CNTN4: variants seen among roughly 807,000 people sequenced by gnomAD.
CNTN4 encodes the protein contactin-4.
Under a neutral mutation model 122.5 loss-of-function variants are expected in CNTN4, and 77 were observed. The ratio of observed to expected loss-of-function variants is 0.63; its 90% confidence interval spans 0.52 to 0.76. The LOEUF (loss-of-function observed/expected upper bound fraction) is 0.76, where lower values mean the gene tolerates loss of function less well. Among genes scored for constraint, CNTN4 ranks in the 30% least tolerant of loss-of-function variants. The probability of loss-of-function intolerance (pLI) is 0.00; values close to 1 mark genes in which losing one functional copy is unlikely to be tolerated. For missense variants in CNTN4, 1,256 were observed against 1,259.1 expected (o/e 1.00, Z 0.04); for synonymous variants, 512 against 447.0 (o/e 1.15, Z -1.83).
intron 13 of CNTN4, among the ~76,000 whole-genome samples, chr3:2,987,169 C>T (rs1464691918): frequency 6.6e-6 from 1 of 152,170 alleles, no homozygotes; most frequent in Non-Finnish European, 1.5e-5. Context: ...ATTTCAAATA[C>T]TCTGGAATAT....
rs1391994591 is a variant in CNTN4, at chr3:2,254,091, C to A, written c.-144-85087C>A. Among the ~76,000 whole-genome samples the A allele has an allele frequency of 2.0e-5, 3 of 148,420 alleles. No individual in the cohort carries two copies. The Admixed American group carries it at 2.0e-4, about 10-fold the overall frequency. The stretch of plus-strand genomic sequence containing the variant: ...TATGTGATGTTCCCCTCCCTGTGTC[C>A]ATGTGTTCTTATAGTTCAACTCCCA... On this transcript the variant is annotated intron_variant, in intron 2 of 24. Transcript: ENST00000418658.
chr3:2,448,644 C>G, intron 3 of CNTN4, among the ~76,000 whole-genome samples: 1 of 152,190 alleles, frequency 6.6e-6, no homozygotes, highest in East Asian at 1.9e-4. Flanking sequence ...AAGTGATTCT[C>G]TGAATGGATA....
At chr3:3,003,092 C>G (rs914086356) in intron 14 of CNTN4, among the ~76,000 whole-genome samples, 1 of 152,238 alleles carries the variant, frequency 6.6e-6, no homozygotes, top group South Asian at 2.1e-4. Context: ...CAAACACAAG[C>G]AAGCCACTTC....
chr3:2,297,789 G>A (rs927548202), intron 2 of CNTN4, among the ~76,000 whole-genome samples: 2 of 152,120 alleles, frequency 1.3e-5, no homozygotes, highest in African/African-American at 2.4e-5. Flanking sequence ...GAGTGCAGTG[G>A]CACAATCACA....
chr3:2,650,472 T>C (rs1404693398), intron 4 of CNTN4, among the ~76,000 whole-genome samples: 2 of 151,850 alleles, frequency 1.3e-5, no homozygotes, highest in African/African-American at 4.8e-5. Context: ...AGTGGTGGAG[T>C]TTGAGAGGAT....
chr3:2,146,095 A>AATTTAT (rs71056394), intron 2 of CNTN4, among the ~76,000 whole-genome samples: 128,529 of 150,776 alleles, frequency 0.85, 55,043 homozygotes, highest in African/African-American at 0.91. Context: ...ACATTATTTC[A>AATTTAT]ATTTATTTTA....
At chr3:2,114,446 C>A (rs116026375) in intron 2 of CNTN4, among the ~76,000 whole-genome samples, 4,331 of 152,060 alleles carry the variant, frequency 0.028, 207 homozygotes, top group African/African-American at 0.097. Context: ...GATGACAGAG[C>A]AAGACCTTGT....
At chr3:2,842,432 C>T (rs1034996249) in intron 7 of CNTN4, among the ~76,000 whole-genome samples, 13 of 152,172 alleles carry the variant, frequency 8.5e-5, no homozygotes, top group African/African-American at 2.7e-4. Flanking sequence ...CGTTTTACTC[C>T]TCTCTCCTGC....
At chr3:2,877,539 G>A (rs1009535110) in intron 8 of CNTN4, among the ~76,000 whole-genome samples, 19 of 152,164 alleles carry the variant, frequency 1.2e-4, no homozygotes, top group Non-Finnish European at 2.1e-4. Context: ...ATTTCATATA[G>A]CAGAAAAGTA....
At chr3:2,607,100 G>A (rs1444957837) in intron 4 of CNTN4, among the ~76,000 whole-genome samples, 2 of 152,112 alleles carry the variant, frequency 1.3e-5, no homozygotes, top group African/African-American at 2.4e-5. Flanking sequence ...TGATGGACTT[G>A]GTGACTGTTA....
At chr3:2,504,801 C>A (rs1273010258) in intron 3 of CNTN4, among the ~76,000 whole-genome samples, 3 of 151,966 alleles carry the variant, frequency 2.0e-5, no homozygotes, top group African/African-American at 4.8e-5. Flanking sequence ...AAAAAGCAAC[C>A]AGAAAAATTC....
chr3:2,254,352 C>A (rs907962933), intron 2 of CNTN4, among the ~76,000 whole-genome samples: 2 of 152,126 alleles, frequency 1.3e-5, no homozygotes. Flanking sequence ...AGTAAACATA[C>A]ATGCGCATGT....
rs1306420149 is a variant in CNTN4 at position 3,040,198 on chromosome 3, T to C, written c.2325T>C (p.Val775=). 6.2e-7 allele frequency: 1 copy of C among 1,614,104 alleles called. No individual in the cohort carries two copies. The highest frequency in any genetic ancestry group is 8.5e-7 in the Non-Finnish European group (1 of 1,180,046). Residue 775 remains valine, a synonymous_variant, in exon 20 of 25, where the codon GTT becomes GTC. Transcript: ENST00000418658. ...TGCACCCCTTCTCTCCCTTTGAGGT[T>C]AAAGTAGGTGTCTTCAACAACAAAG... The part of the protein sequence containing the change: ...ESVHPFSPFE[V]KVGVFNNKGE...
At chr3:2,497,091 A>G (rs2076472578) in intron 3 of CNTN4, among the ~76,000 whole-genome samples, 1 of 152,248 alleles carries the variant, frequency 6.6e-6, no homozygotes, top group African/African-American at 2.4e-5. Context: ...ACAACGTCAC[A>G]GAGACACCCA....
chr3:2,818,749 C>A (rs535472468), intron 6 of CNTN4, among the ~76,000 whole-genome samples: 86 of 152,316 alleles, frequency 5.6e-4, no homozygotes, highest in African/African-American at 1.9e-3. Flanking sequence ...TCTTATCTCT[C>A]TAACCAGACT....
intron 3 of CNTN4, among the ~76,000 whole-genome samples, chr3:2,383,951 T>C (rs559890449): frequency 1.3e-5 from 2 of 152,178 alleles, no homozygotes; most frequent in Non-Finnish European, 2.9e-5. Context: ...CTTCTGTGTA[T>C]GTATATATCA....
intron 4 of CNTN4, 61 bp from the exon 5 acceptor site, chr3:2,736,144 TTGTTGTTTCC>T (rs2089070133): frequency 1.4e-6 from 2 of 1,430,594 alleles, no homozygotes; most frequent in Admixed American, 1.7e-5. Flanking sequence ...TTTCCTTATG[TTGTTGTTTCC>T]TGTTGTTGTT....
At chr3:2,122,028 G>C (rs773740094) in intron 2 of CNTN4, among the ~76,000 whole-genome samples, 1 of 147,376 alleles carries the variant, frequency 6.8e-6, no homozygotes, top group African/African-American at 2.5e-5. Context: ...TGGTGGCGGC[G>C]CCTGTAGTCC....
intron 4 of CNTN4, among the ~76,000 whole-genome samples, chr3:2,732,054 C>A (rs6808972): frequency 6.6e-6 from 1 of 151,960 alleles, no homozygotes; most frequent in Non-Finnish European, 1.5e-5. Flanking sequence ...GCTTCCCTCT[C>A]AACTATTAGT....
Sources: gnomAD v4.1 joint callset for allele counts (sites outside exome capture counted in the v4.1 genomes callset) on GRCh38, gnomAD v4.1.1 for gene constraint, MANE v1.5 for transcripts, NCBI Gene and HGNC (gene_info 2026-07-23, HGNC 2026-07-21) for gene names.